The following FARSB variants were observed in gnomAD, a reference collection of about 807,000 sequenced individuals.
The protein encoded by FARSB is phenylalanine--tRNA ligase beta subunit.
Under a neutral mutation model 69.6 loss-of-function variants are expected in FARSB, and 40 were observed. The ratio of observed to expected loss-of-function variants is 0.57; its 90% CI spans 0.45 to 0.75. FARSB has a LOEUF of 0.75. Ranked by LOEUF, FARSB falls within the 30% of genes least tolerant of loss-of-function variation. The probability of loss-of-function intolerance (pLI) is 0.00; values close to 1 mark genes in which losing one functional copy is unlikely to be tolerated. For missense variants in FARSB, 632 were observed against 722.9 expected, an observed-to-expected ratio of 0.87 and a Z score of 1.44; for synonymous variants, 235 against 247.2, an observed-to-expected ratio of 0.95 and a Z score of 0.46.
intron 9 of FARSB, among the ~76,000 whole-genome samples, chr2:222,629,520 T>C (rs1195104658): frequency 6.6e-6 from 1 of 152,192 alleles, no homozygotes; most frequent in East Asian, 1.9e-4. Flanking sequence ...TCAAATCCAA[T>C]GATCCCCAAA....
chr2:222,588,210 G>A (rs1363459742), intron 16 of FARSB, among the ~76,000 whole-genome samples: 4 of 152,102 alleles, frequency 2.6e-5, no homozygotes, highest in Non-Finnish European at 5.9e-5. Context: ...TTCAACATAT[G>A]CAAATCAATA....
intron 16 of FARSB, among the ~76,000 whole-genome samples, chr2:222,583,459 C>T (rs534501161): frequency 6.6e-6 from 1 of 152,308 alleles, no homozygotes; most frequent in South Asian, 2.1e-4. Context: ...TACTTCTCTA[C>T]CATTCCTCCA....
At chr2:222,576,553 T>G (rs191951529) in intron 16 of FARSB, among the ~76,000 whole-genome samples, 18 of 152,304 alleles carry the variant, frequency 1.2e-4, no homozygotes, top group Non-Finnish European at 2.4e-4. Context: ...GCCAACTGAA[T>G]GTACTGTAAA....
At chr2:222,609,091 C>T (rs951034575) in intron 15 of FARSB, among the ~76,000 whole-genome samples, 3 of 152,180 alleles carry the variant, frequency 2.0e-5, no homozygotes, top group Non-Finnish European at 4.4e-5. Flanking sequence ...CTTAAACTCA[C>T]TCAACCCAGT....
In FARSB at chr2:222,567,197, G is replaced by C. The variant is rs1689649225; in HGVS notation, c.*4674C>G. 6.6e-6 allele frequency: 1 copy of C among 152,166 alleles called. No homozygotes were observed. The highest frequency in any genetic ancestry group is 1.5e-5 in the Non-Finnish European group (1 of 68,042). 9.4% of individuals were successfully genotyped at this position (152,166 alleles called of 1,614,324 possible). A position where few individuals can be genotyped will look rare whatever the true frequency, so the allele number is the denominator to read the frequency against. On this transcript the variant is annotated 3_prime_UTR_variant, in exon 17 of 17. Coordinates refer to ENST00000281828, the MANE Select transcript of FARSB (RefSeq NM_005687.5). ...CTCATCTCCAAAGACCATCACACTG[G>C]AGGTCAGAGGGTCAACATGAATTTG...
In FARSB at chr2:222,654,178, C is replaced by T. The variant is rs79053263; in HGVS notation, c.58+1838G>A. ...TACCATCTTAGGCAATTCAGGTATA[C>T]AGACTGAGCATTCCCAATCCAAAAA... On this transcript the variant is annotated intron_variant, in intron 1 of 16. Coordinates refer to ENST00000281828, the MANE Select transcript of FARSB (RefSeq NM_005687.5). 3.9e-5 allele frequency among the ~76,000 whole-genome samples: 6 copies of T among 152,256 alleles called. No individual in the cohort carries two copies. In the East Asian group the frequency reaches 1.2e-3, roughly 29 times the overall value.
intron 7 of FARSB, among the ~76,000 whole-genome samples, chr2:222,631,927 C>T (rs1395308555): frequency 6.6e-6 from 1 of 152,104 alleles, no homozygotes; most frequent in African/African-American, 2.4e-5. Context: ...ACAAAATTAG[C>T]CAGGCGTGGT....
intron 14 of FARSB, among the ~76,000 whole-genome samples, chr2:222,616,672 G>C (rs930495970): frequency 1.1e-4 from 16 of 151,064 alleles, no homozygotes; most frequent in African/African-American, 3.7e-4. Flanking sequence ...TTTGTTTATT[G>C]TCACTATAAT....
Position 222,629,201 on chromosome 2 carries a change from T to G in FARSB, c.849-313A>C, listed in dbSNP as rs534496722. ...CACATTCTAGGCTTTACCAGGGCAG[T>G]GTGTTACATAATAAAACTGAAAGAA... On this transcript the variant is annotated intron_variant, in intron 9 of 16. Transcript: ENST00000281828. 6.6e-5 allele frequency among the ~76,000 whole-genome samples: 10 copies of G among 152,168 alleles called. No homozygotes were observed. The South Asian group carries it at 1.9e-3, about 28-fold the overall frequency.
chr2:222,653,158 C>A (rs184026428), intron 1 of FARSB, among the ~76,000 whole-genome samples: 32 of 152,258 alleles, frequency 2.1e-4, no homozygotes, highest in African/African-American at 6.3e-4. Flanking sequence ...CAAGAGGAAA[C>A]CATCTGCACA....
intron 15 of FARSB, among the ~76,000 whole-genome samples, chr2:222,606,313 A>G (rs1690703984): frequency 6.6e-6 from 1 of 152,216 alleles, no homozygotes; most frequent in Admixed American, 6.5e-5. Flanking sequence ...GGGTATAGTA[A>G]CATTCCCATT....
At chr2:222,629,640 A>AG (rs1691366581) in intron 9 of FARSB, among the ~76,000 whole-genome samples, 2 of 152,216 alleles carry the variant, frequency 1.3e-5, no homozygotes, top group Admixed American at 1.3e-4. Flanking sequence ...AAAGTACTTA[A>AG]TGCTTATGAC....
chr2:222,597,770 T>C (rs1242661773), intron 16 of FARSB, among the ~76,000 whole-genome samples: 1 of 152,192 alleles, frequency 6.6e-6, no homozygotes, highest in African/African-American at 2.4e-5. Flanking sequence ...TACAATGTGC[T>C]AAAATCCCTT....
chr2:222,624,208 C>A (rs1348481921), intron 12 of FARSB, 64 bp downstream of exon 12: 39 of 1,093,302 alleles, frequency 3.6e-5, no homozygotes, highest in Non-Finnish European at 5.1e-5. Flanking sequence ...TTCTCGAAGC[C>A]TTCCTGGCAT....
intron 16 of FARSB, among the ~76,000 whole-genome samples, chr2:222,589,594 A>G (rs1690210466): frequency 6.6e-6 from 1 of 151,906 alleles, no homozygotes; most frequent in Admixed American, 6.5e-5. Flanking sequence ...GAATGGGAGA[A>G]AATTTTTGCA....
At chr2:222,646,587 C>T (rs1338035325) in intron 2 of FARSB, among the ~76,000 whole-genome samples, 2 of 152,168 alleles carry the variant, frequency 1.3e-5, no homozygotes, top group African/African-American at 4.8e-5. Context: ...GCCAGTAATT[C>T]CAGTTCTGAC....
intron 6 of FARSB, among the ~76,000 whole-genome samples, chr2:222,633,543 G>A (rs111966394): frequency 7.2e-5 from 11 of 151,974 alleles, no homozygotes; most frequent in African/African-American, 2.7e-4. Context: ...TTAGCCAGGC[G>A]TGGTGGCACA....
chr2:222,612,995 T>C (rs903161864), intron 15 of FARSB, among the ~76,000 whole-genome samples: 2 of 152,316 alleles, frequency 1.3e-5, no homozygotes, highest in African/African-American at 2.4e-5. Context: ...ACTGCTAAAC[T>C]AGAATGACAT....
At chr2:222,623,607 TAAGTAAATAATC>T (rs1691194452) in intron 13 of FARSB, 31 bp downstream of exon 13, 1 of 1,022,266 alleles carries the variant, frequency 9.8e-7, no homozygotes, top group Admixed American at 1.7e-5. Flanking sequence ...TCAGAGAGTC[TAAGTAAATAATC>T]ATCTGGGCAG....
Sources: allele counts gnomAD v4.1 joint callset (sites outside exome capture counted in the v4.1 genomes callset), GRCh38; gene constraint gnomAD v4.1.1; transcripts MANE v1.5; gene names NCBI Gene and HGNC (gene_info 2026-07-23, HGNC 2026-07-21).